The following PLCD1 variants were observed in gnomAD, a reference collection of about 807,000 sequenced individuals.
The protein encoded by PLCD1 is phospholipase C delta 1.
Under a neutral mutation model 87.4 loss-of-function variants are expected in PLCD1, and 71 were observed. The observed-to-expected ratio is 0.81, with a 90% confidence interval of 0.67 to 0.99. The LOEUF is 0.99. Among genes scored for constraint, PLCD1 ranks in the 50% least tolerant of loss-of-function variants. The probability of loss-of-function intolerance (pLI) is 0.00; values close to 1 mark genes in which losing one functional copy is unlikely to be tolerated. For missense variants in PLCD1, 867 were observed against 1,001.5 expected, an observed-to-expected ratio of 0.87 and a Z score of 1.81; for synonymous variants, 348 against 399.2, an observed-to-expected ratio of 0.87 and a Z score of 1.53.
chr3:38,023,549 GTGGAGTC>G, intron 1 of PLCD1, among the ~76,000 whole-genome samples: 2 of 152,220 alleles, frequency 1.3e-5, no homozygotes, highest in Middle Eastern at 6.8e-3. Context: ...AAGTTGCATG[GTGGAGTC>G]AGGACTCAGA....
At chr3:38,009,494 G>C in intron 9 of PLCD1, 63 bp from the exon 10 acceptor site, 7 of 1,591,846 alleles carry the variant, frequency 4.4e-6, no homozygotes, top group Non-Finnish European at 6.0e-6. Context: ...CACTGAGAAA[G>C]CCAGAAACCC....
Position 38,010,555 on chromosome 3 carries a change from C to A in PLCD1, c.798G>T (p.Ala266=), listed in dbSNP as rs548811633. Residue 266 remains alanine (A), a synonymous_variant, in exon 6 of 15, where the codon GCG becomes GCT. Transcript: ENST00000334661. ...ERYEPSETAK[A]QRQMTKDGFL... is the part of the protein sequence containing the mutation. ...AGCCGTCCTTGGTCATCTGCCGCTG[C>A]GCCTTGGCTGGGAGGGAGGAGGCCA... 6 of 1,612,898 alleles carry A rather than the reference C, an allele frequency of 3.7e-6. No individual in the cohort carries two copies. In the South Asian group the frequency reaches 4.4e-5, roughly 12 times the overall value.
chr3:38,029,015 C>T (rs1356048616), intron 1 of PLCD1, among the ~76,000 whole-genome samples: 1 of 152,274 alleles, frequency 6.6e-6, no homozygotes, highest in Non-Finnish European at 1.5e-5. Flanking sequence ...TAACCTTGCA[C>T]ACCTCCTCTC....
Position 38,029,639 on chromosome 3 carries a change from G to T in PLCD1, c.-100C>A. 1 of 1,100,050 alleles carries T rather than the reference G, an allele frequency of 9.1e-7. No homozygotes were observed. Among genetic ancestry groups the T allele is most frequent in the Non-Finnish European group, 1.3e-6 (1 of 768,464 alleles). The allele number at this position is 1,100,050 out of a possible 1,614,324, so 68.1% of individuals were successfully genotyped here. ...CGAGCGGAGTGCGGTGCAGGGACCT[G>T]AATGGACCGCGGTGGGAGGAGGCCG... On this transcript the variant is annotated 5_prime_UTR_variant, in exon 1 of 15. Transcript: ENST00000334661.
At chr3:38,021,738 A>G (rs987985890) in intron 1 of PLCD1, among the ~76,000 whole-genome samples, 3 of 152,172 alleles carry the variant, frequency 2.0e-5, no homozygotes, top group Non-Finnish European at 4.4e-5. Flanking sequence ...GCTCCAGCAC[A>G]GTGGCAGCCT....
chr3:38,011,739 G>A, intron 3 of PLCD1, 66 bp from the exon 4 acceptor site: 2 of 1,550,510 alleles, frequency 1.3e-6, no homozygotes, highest in Non-Finnish European at 1.8e-6. Flanking sequence ...CCAGAGCCAT[G>A]GATGGCTCCA....
chr3:38,026,943 C>A (rs1368875205), intron 1 of PLCD1, among the ~76,000 whole-genome samples: 1 of 152,138 alleles, frequency 6.6e-6, no homozygotes, highest in Non-Finnish European at 1.5e-5. Flanking sequence ...ACAAACGGCA[C>A]CTCTTGCAGG....
At chr3:38,021,079 T>C (rs1376241758) in intron 1 of PLCD1, among the ~76,000 whole-genome samples, 1 of 152,104 alleles carries the variant, frequency 6.6e-6, no homozygotes, top group East Asian at 1.9e-4. Flanking sequence ...CAGTTGGGGT[T>C]CTTGGTGTCA....
chr3:38,010,367 TA>T lies in PLCD1; in HGVS notation c.985del (p.Tyr329ThrfsTer72). ...AAGGCTCCCTGAGCAGCACCGGATGTAGGCTTCAGTGCTGCTGGGCCCGGCT... is the reference window on the plus strand; with the variant it reads ...AAGGCTCCCTGAGCAGCACCGGATGTGGCTTCAGTGCTGCTGGGCCCGGCT... ...QLAGPSSTEA[Y>X]IRALCKGCRC... is the part of the protein sequence containing the mutation. On this transcript the variant is annotated frameshift_variant, in exon 6 of 15. Transcript: ENST00000334661. LOFTEE classifies it high-confidence loss of function. 1 of 1,614,038 alleles carries T rather than the reference TA, an allele frequency of 6.2e-7. No homozygotes were observed. The highest frequency in any genetic ancestry group is 8.5e-7 in the Non-Finnish European group (1 of 1,179,974).
chr3:38,010,390 G>C lies in PLCD1; in HGVS notation c.963C>G (p.Ala321=), dbSNP rs376761370. ...HNTYLLEDQL[A]GPSSTEAYIR... ...TGTAGGCTTCAGTGCTGCTGGGCCC[G>C]GCTAGCTGGTCCTCCAGCAGGTAGG... The change falls in exon 6 of 15, where the codon GCC becomes GCG. Residue 321 remains alanine (A), a synonymous_variant. Coordinates refer to ENST00000334661, the MANE Select transcript of PLCD1 (RefSeq NM_006225.4). 1.2e-6 allele frequency: 2 copies of C among 1,614,094 alleles called. No homozygotes were observed. Among genetic ancestry groups the C allele is most frequent in the African/African-American group, 1.3e-5 (1 of 74,930 alleles).
chr3:38,008,653 G>A lies in PLCD1; in HGVS notation c.1724-17C>T. 6.2e-7 allele frequency: 1 copy of A among 1,612,784 alleles called. No homozygotes were observed. Among genetic ancestry groups the A allele is most frequent in the Non-Finnish European group, 8.5e-7 (1 of 1,179,050 alleles). On this transcript the variant is annotated splice_polypyrimidine_tract_variant and intron_variant, in intron 11 of 14. Transcript: ENST00000334661. ...TCAGGGCCACTACAGGCAGGACAGA[G>A]CAGTCACAGGCTGTGGGCTGGCCCT...
In PLCD1 at chr3:38,007,687, G is replaced by T; in HGVS notation, c.*86C>A. 5 of 1,025,938 alleles carry T rather than the reference G, an allele frequency of 4.9e-6. No homozygotes were observed. The highest frequency in any genetic ancestry group is 7.6e-6 in the Non-Finnish European group (5 of 653,612). 63.6% of individuals were successfully genotyped at this position (1,025,938 alleles called of 1,614,324 possible). On this transcript the variant is annotated 3_prime_UTR_variant, in exon 15 of 15. Coordinates refer to ENST00000334661, the MANE Select transcript of PLCD1 (RefSeq NM_006225.4). Reference sequence around the variant, plus strand: ...TTGGGGGCCTAGCTCTGAGCAAGAGGCTGGGAGCAGCCACACCAGCCCTGT... The same window carrying T: ...TTGGGGGCCTAGCTCTGAGCAAGAGTCTGGGAGCAGCCACACCAGCCCTGT...
chr3:38,028,407 C>T (rs1311427043), intron 1 of PLCD1, among the ~76,000 whole-genome samples: 1 of 152,198 alleles, frequency 6.6e-6, no homozygotes, highest in Non-Finnish European at 1.5e-5. Flanking sequence ...CTGCAGAACA[C>T]GAGATAGACT....
chr3:38,011,135 T>G, intron 5 of PLCD1, 79 bp downstream of exon 5: 1 of 1,143,400 alleles, frequency 8.7e-7, no homozygotes. Flanking sequence ...CCCTTCTTTC[T>G]GGCTGCAGTC....
rs144289415 is a variant in PLCD1 at position 38,011,406 on chromosome 3, C to T, written c.598G>A (p.Glu200Lys). 1 of 1,613,916 alleles carries T rather than the reference C, an allele frequency of 6.2e-7. No individual in the cohort carries two copies. Among genetic ancestry groups the T allele is most frequent in the African/African-American group, 1.3e-5 (1 of 74,944 alleles). ...AGCATCTTGTAGAAGGCCTCAATCT[C>T]CTCGTCCTCCAGGGAGTCTGTCTGG... Reference protein sequence around the residue: ...HSQTDSLEDEEIEAFYKMLTQ... With the variant: ...HSQTDSLEDEKIEAFYKMLTQ... The change falls in exon 5 of 15, where the codon GAG (glutamate) becomes AAG (lysine). Residue 200 changes from glutamate to lysine, a missense_variant. Glu to Lys is a moderately conservative substitution (Grantham distance 56). Coordinates refer to ENST00000334661, the MANE Select transcript of PLCD1 (RefSeq NM_006225.4).
At chr3:38,020,427 C>T in intron 1 of PLCD1, 75 bp from the exon 2 acceptor site, 3 of 1,375,574 alleles carry the variant, frequency 2.2e-6, no homozygotes, top group Non-Finnish European at 2.1e-6. Context: ...ACTGGCCATG[C>T]CCACCTCGAC....
chr3:38,010,139 C>T lies in PLCD1; in HGVS notation c.1129G>A (p.Ala377Thr), dbSNP rs746731901. 2.5e-6 allele frequency: 4 copies of T among 1,614,134 alleles called. No homozygotes were observed. The stretch of plus-strand genomic sequence containing the variant: ...GCCAGGGGCACTCCCACCTTGAAGG[C>T]ATAGTCCCGGATGGCCCTGAGCACA... ...CDVLRAIRDY[A>T]FKASPYPVIL... Residue 377 changes from alanine to threonine, a missense_variant, in exon 7 of 15, where the codon GCC (alanine) becomes ACC (threonine). Coordinates refer to ENST00000334661, the MANE Select transcript of PLCD1 (RefSeq NM_006225.4).
rs776435867 is a variant in PLCD1 at position 38,009,956 on chromosome 3, A to G, written c.1235T>C (p.Met412Thr). The G allele has an allele frequency of 6.2e-7, 1 of 1,613,508 alleles. No homozygotes were observed. The highest frequency in any genetic ancestry group is 2.2e-5 in the East Asian group (1 of 44,870). ...CCCATCCAGTGGTCGGTTCAACAGC[A>G]TGGGGCCCAGGATGGCATGCAGGTG... The part of the protein sequence containing the change: ...ARHLHAILGP[M>T]LLNRPLDGVT... Residue 412 changes from methionine (M) to threonine (T), a missense_variant, in exon 8 of 15, where the codon ATG (methionine) becomes ACG (threonine). By Grantham distance (81) the Met-to-Thr change is moderately conservative. Coordinates refer to ENST00000334661, the MANE Select transcript of PLCD1 (RefSeq NM_006225.4).
rs1489973369 is a variant in PLCD1 at position 38,018,234 on chromosome 3, C to G, written c.200-1515G>C. On this transcript the variant is annotated intron_variant, in intron 2 of 14. Transcript: ENST00000334661. This position sits in a 1 kb window ranked among gnomAD's most constrained non-coding sequence, Gnocchi z 5.7. Reference sequence around the variant, plus strand: ...GAGCAATTGAAGACAACAGTCTCACCACTCACCCAGAGAAGGGAGGCAGCC... The same window carrying G: ...GAGCAATTGAAGACAACAGTCTCACGACTCACCCAGAGAAGGGAGGCAGCC... Among the ~76,000 whole-genome samples the G allele has an allele frequency of 6.6e-6, 1 of 152,174 alleles. No homozygotes were observed.
Sources: allele counts gnomAD v4.1 joint callset (sites outside exome capture counted in the v4.1 genomes callset), GRCh38; gene constraint gnomAD v4.1.1; non-coding constraint Gnocchi (gnomAD v3.1); transcripts MANE v1.5; gene names NCBI Gene and HGNC (gene_info 2026-07-23, HGNC 2026-07-21).